Variants in TENT2 observed in about 807,000 individuals in gnomAD.
TENT2 encodes poly(A) RNA polymerase GLD2.
TENT2 carries 44 observed loss-of-function variants against 72.2 expected under a neutral mutation model. The ratio of observed to expected loss-of-function variants is 0.61; its 90% CI spans 0.48 to 0.78. The LOEUF is 0.78. Ranked by LOEUF, TENT2 falls within the 30% of genes least tolerant of loss-of-function variation. TENT2 has a pLI of 0.00. For missense variants in TENT2, 541 were observed against 569.6 expected, an observed-to-expected ratio of 0.95 and a Z score of 0.51; for synonymous variants, 212 against 192.5, an observed-to-expected ratio of 1.10 and a Z score of -0.84.
chr5:79,670,904 G>T (rs562536303), intron 12 of TENT2, among the ~76,000 whole-genome samples: 1 of 151,362 alleles, frequency 6.6e-6, no homozygotes, highest in South Asian at 2.1e-4. Flanking sequence ...GGAGAGTTGG[G>T]ATTCACTTTC....
chr5:79,642,928 C>G lies in TENT2; in HGVS notation c.751+18C>G, dbSNP rs1228207393. 1.2e-6 allele frequency: 2 copies of G among 1,606,142 alleles called. No individual in the cohort carries two copies. Among genetic ancestry groups the G allele is most frequent in the South Asian group, 2.2e-5 (2 of 89,716 alleles). On this transcript the variant is annotated intron_variant, in intron 7 of 14. Transcript: ENST00000453514. The stretch of plus-strand genomic sequence containing the variant: ...TAGACTTTGTAAGTCTGACATGCCT[C>G]AAGTTTGTATGTCACCTGACGTAAC...
chr5:79,656,267 C>T lies in TENT2; in HGVS notation c.1028-691C>T, dbSNP rs143829284. On this transcript the variant is annotated intron_variant, in intron 10 of 14. Coordinates refer to ENST00000453514, the MANE Select transcript of TENT2 (RefSeq NM_001114394.3). ...TTAATGAGATTGGATTTGTTTAAAA[C>T]GATTGGTGAAGGATGACACAAATAT... 5.5e-4 allele frequency among the ~76,000 whole-genome samples: 83 copies of T among 151,680 alleles called. No individual in the cohort carries two copies. The South Asian group carries it at 0.011, about 20-fold the overall frequency.
intron 12 of TENT2, among the ~76,000 whole-genome samples, chr5:79,669,482 C>CTT (rs375256436): frequency 4.1e-4 from 62 of 152,170 alleles, no homozygotes; most frequent in African/African-American, 1.3e-3. Context: ...GTGTCTTTTC[C>CTT]TTTTTTCTTT....
At chr5:79,652,068 G>T (rs1794567290) in intron 10 of TENT2, among the ~76,000 whole-genome samples, 1 of 152,044 alleles carries the variant, frequency 6.6e-6, no homozygotes. Context: ...TTAGAAAGCA[G>T]TGTTGTATAT....
In TENT2 at chr5:79,656,939, A is replaced by C. The variant is rs1187971698; in HGVS notation, c.1028-19A>C. The C allele has an allele frequency of 6.3e-7, 1 of 1,591,820 alleles. No individual in the cohort carries two copies. Among genetic ancestry groups the C allele is most frequent in the Non-Finnish European group, 8.6e-7 (1 of 1,166,520 alleles). ...GAGTCACGTGAATCACGGAAGCTTT[A>C]AACTTTTTCTTTTTATAGCCCTACC... On this transcript the variant is annotated intron_variant, in intron 10 of 14. Coordinates refer to ENST00000453514, the MANE Select transcript of TENT2 (RefSeq NM_001114394.3).
At chr5:79,619,520 C>A in intron 1 of TENT2, 92 bp from the exon 2 acceptor site, 1 of 928,262 alleles carries the variant, frequency 1.1e-6, no homozygotes. Flanking sequence ...AACTTGATAA[C>A]TAATTGTTTT....
chr5:79,684,312 C>T (rs890283281), intron 14 of TENT2, among the ~76,000 whole-genome samples: 7 of 152,318 alleles, frequency 4.6e-5, no homozygotes, highest in Admixed American at 4.6e-4. Flanking sequence ...GAGACAGGGT[C>T]TTGCTCTGTT....
chr5:79,650,335 G>A (rs187477803), intron 10 of TENT2, among the ~76,000 whole-genome samples: 1 of 152,014 alleles, frequency 6.6e-6, no homozygotes, highest in Admixed American at 6.6e-5. Context: ...TTACATTTTT[G>A]ACTTGTAAAA....
chr5:79,660,949 T>C (rs2150410986), intron 11 of TENT2, among the ~76,000 whole-genome samples: 1 of 152,076 alleles, frequency 6.6e-6, no homozygotes, highest in East Asian at 1.9e-4. Context: ...GGGCCTAAGC[T>C]GATGTGTATG....
Position 79,636,450 on chromosome 5 carries a change from A to G in TENT2, c.466-4401A>G, listed in dbSNP as rs556827860. On this transcript the variant is annotated intron_variant, in intron 4 of 14. Transcript: ENST00000453514. ...GATCTTTTTTGTTTATCCTTCTGCC[A>G]GGGCCATACTATCTTGATTACTGTA... 5.3e-5 allele frequency among the ~76,000 whole-genome samples: 8 copies of G among 152,302 alleles called. No homozygotes were observed. In the South Asian group the frequency reaches 1.5e-3, roughly 28 times the overall value.
chr5:79,677,094 G>A (rs1817859676), intron 12 of TENT2, among the ~76,000 whole-genome samples: 1 of 152,100 alleles, frequency 6.6e-6, no homozygotes. Flanking sequence ...TACCTTTAGA[G>A]TACAAAGAGT....
chr5:79,681,846 T>C (rs1172574734), intron 13 of TENT2, 136 bp from the exon 14 acceptor site: 4 of 613,684 alleles, frequency 6.5e-6, no homozygotes, highest in Non-Finnish European at 1.2e-5. Flanking sequence ...CTAATAAAGA[T>C]ATTAGGCTGA....
At chr5:79,622,880 C>T (rs1339900943) in intron 3 of TENT2, among the ~76,000 whole-genome samples, 1 of 152,154 alleles carries the variant, frequency 6.6e-6, no homozygotes, top group Non-Finnish European at 1.5e-5. Flanking sequence ...ATAACTAGCA[C>T]TCAGCTCACT....
intron 8 of TENT2, among the ~76,000 whole-genome samples, chr5:79,647,516 A>G (rs1319324392): frequency 6.6e-6 from 1 of 152,222 alleles, no homozygotes; most frequent in African/African-American, 2.4e-5. Context: ...AAGCCAAATA[A>G]CGTATAATAT....
chr5:79,635,164 C>G (rs6453466), intron 4 of TENT2, among the ~76,000 whole-genome samples: 30,859 of 152,024 alleles, frequency 0.2, 4,624 homozygotes, highest in African/African-American at 0.42. Flanking sequence ...AGAACTATAA[C>G]AACAGTGAGC....
chr5:79,683,088 G>T (rs778373126), intron 14 of TENT2, among the ~76,000 whole-genome samples: 59 of 151,902 alleles, frequency 3.9e-4, no homozygotes, highest in Non-Finnish European at 8.1e-4. Context: ...AGGCTGCAGT[G>T]GGCTATTATC....
intron 11 of TENT2, among the ~76,000 whole-genome samples, chr5:79,667,593 G>A (rs1207480372): frequency 6.6e-6 from 1 of 152,108 alleles, no homozygotes; most frequent in Non-Finnish European, 1.5e-5. Context: ...GTCCCATGTT[G>A]AGGAGTATCA....
At chr5:79,650,269 G>C (rs1044257619) in intron 10 of TENT2, among the ~76,000 whole-genome samples, 2 of 152,010 alleles carry the variant, frequency 1.3e-5, no homozygotes, top group Admixed American at 6.6e-5. Flanking sequence ...GGTATTCTAG[G>C]ATCTGAGAAT....
chr5:79,630,129 C>T (rs886546581), intron 4 of TENT2, among the ~76,000 whole-genome samples: 37 of 151,774 alleles, frequency 2.4e-4, no homozygotes, highest in African/African-American at 8.0e-4. Context: ...AGCAGGACTC[C>T]GTCTCAAAAA....
Sources: gnomAD v4.1 joint callset for allele counts (sites outside exome capture counted in the v4.1 genomes callset) on GRCh38, gnomAD v4.1.1 for gene constraint, MANE v1.5 for transcripts, NCBI Gene and HGNC (gene_info 2026-07-23, HGNC 2026-07-21) for gene names.